Variants in SCFD2 observed in about 807,000 individuals in gnomAD.
SCFD2 encodes sec1 family domain containing 2, also known as sec1 family domain-containing protein 2.
In SCFD2, 54 loss-of-function variants were observed where a neutral mutation model predicts 58.9. The ratio of observed to expected loss-of-function variants is 0.92; its 90% confidence interval spans 0.74 to 1.15. The LOEUF (loss-of-function observed/expected upper bound fraction) is 1.15, where lower values mean the gene tolerates loss of function less well. SCFD2 is among the 50% of genes most tolerant of loss of function. SCFD2 has a pLI of 0.00. For missense variants in SCFD2, 805 were observed against 836.6 expected (o/e 0.96, Z 0.47); for synonymous variants, 321 against 335.9 (o/e 0.96, Z 0.49).
chr4:53,156,101 T>C (rs80021820), intron 4 of SCFD2, among the ~76,000 whole-genome samples: 1 of 152,146 alleles, frequency 6.6e-6, no homozygotes, highest in Non-Finnish European at 1.5e-5. Flanking sequence ...GCTCTTGATA[T>C]GGCCAGATAC....
intron 5 of SCFD2, among the ~76,000 whole-genome samples, chr4:53,065,319 G>A (rs546665738): frequency 6.6e-6 from 1 of 152,014 alleles, no homozygotes; most frequent in Non-Finnish European, 1.5e-5. Flanking sequence ...GTAGCCTGGG[G>A]GAAAGGATAA....
chr4:52,948,197 T>G (rs1720491307), intron 5 of SCFD2: 1 of 228,402 alleles, frequency 4.4e-6, no homozygotes, highest in South Asian at 6.4e-5. Context: ...TAAAGGCTAT[T>G]ACATGCCTGG....
At chr4:52,929,242 C>T (rs1165267541) in intron 5 of SCFD2, among the ~76,000 whole-genome samples, 1 of 152,126 alleles carries the variant, frequency 6.6e-6, no homozygotes, top group Admixed American at 6.5e-5. Context: ...GGTAGGTAAG[C>T]AAAGTGCCAG....
chr4:53,331,777 A>T (rs1413614967), intron 2 of SCFD2, among the ~76,000 whole-genome samples: 1 of 152,194 alleles, frequency 6.6e-6, no homozygotes, highest in Non-Finnish European at 1.5e-5. Flanking sequence ...AGAGACACAA[A>T]AAACCCTTCA....
intron 2 of SCFD2, among the ~76,000 whole-genome samples, chr4:53,314,682 T>A (rs752723004): frequency 6.6e-6 from 1 of 152,236 alleles, no homozygotes; most frequent in Non-Finnish European, 1.5e-5. Flanking sequence ...TAAAGTTACA[T>A]CTATTAAGAT....
At chr4:53,121,519 C>A (rs1396542879) in intron 5 of SCFD2, among the ~76,000 whole-genome samples, 2 of 152,236 alleles carry the variant, frequency 1.3e-5, no homozygotes, top group Non-Finnish European at 2.9e-5. Flanking sequence ...AGCCTGCCAT[C>A]CAGTTTCTTT....
intron 2 of SCFD2, among the ~76,000 whole-genome samples, chr4:53,326,064 A>G (rs977977024): frequency 2.0e-5 from 3 of 152,226 alleles, no homozygotes; most frequent in Admixed American, 6.5e-5. Context: ...AAGAAAACAT[A>G]CTATCTTTTA....
chr4:53,206,529 T>C (rs9990883), intron 4 of SCFD2, among the ~76,000 whole-genome samples: 13,531 of 152,146 alleles, frequency 0.089, 1,064 homozygotes, highest in South Asian at 0.21. Context: ...TTGTAAGTTA[T>C]AGAAGGTGAG....
At chr4:53,187,867 T>C (rs1374836096) in intron 4 of SCFD2, among the ~76,000 whole-genome samples, 3 of 152,136 alleles carry the variant, frequency 2.0e-5, no homozygotes, top group Non-Finnish European at 4.4e-5. Context: ...CATATCTTCA[T>C]AATTAACAAA....
chr4:53,080,188 C>G (rs553661895), intron 5 of SCFD2, among the ~76,000 whole-genome samples: 1 of 152,046 alleles, frequency 6.6e-6, no homozygotes, highest in East Asian at 1.9e-4. Context: ...TCTCATCTCA[C>G]GTTTAGATTT....
At chr4:53,342,073 C>T (rs1300956082) in intron 2 of SCFD2, among the ~76,000 whole-genome samples, 2 of 152,156 alleles carry the variant, frequency 1.3e-5, no homozygotes, top group African/African-American at 2.4e-5. Context: ...AACCAGCTAA[C>T]GTCATAATGA....
intron 5 of SCFD2, among the ~76,000 whole-genome samples, chr4:52,930,984 T>G (rs1017756460): frequency 5.3e-5 from 8 of 152,116 alleles, no homozygotes; most frequent in African/African-American, 1.4e-4. Context: ...TTCCAGCAAT[T>G]AAACCTACTG....
chr4:53,009,492 C>CT (rs766825539), intron 5 of SCFD2, among the ~76,000 whole-genome samples: 3 of 152,126 alleles, frequency 2.0e-5, no homozygotes, highest in Non-Finnish European at 4.4e-5. Context: ...TAAAGAATAC[C>CT]TTTTTTTAGC....
intron 5 of SCFD2, among the ~76,000 whole-genome samples, chr4:52,944,117 T>TTCTG (rs1720360408): frequency 6.6e-6 from 1 of 152,214 alleles, no homozygotes. Flanking sequence ...TTTAAACACA[T>TTCTG]TCTGTCTCTT....
chr4:53,186,390 C>G (rs1340875528), intron 4 of SCFD2, among the ~76,000 whole-genome samples: 4 of 152,182 alleles, frequency 2.6e-5, no homozygotes, highest in East Asian at 1.9e-4. Context: ...TCTGGGGAGG[C>G]AGACTCTGTC....
chr4:53,325,149 C>T (rs73250954), intron 2 of SCFD2, among the ~76,000 whole-genome samples: 4,646 of 149,666 alleles, frequency 0.031, 92 homozygotes, highest in Middle Eastern at 0.057. Flanking sequence ...TCCTTAAGAA[C>T]GTAATATAAC....
chr4:53,025,183 G>C (rs1386403880), intron 5 of SCFD2, among the ~76,000 whole-genome samples: 5 of 152,154 alleles, frequency 3.3e-5, no homozygotes, highest in Non-Finnish European at 7.3e-5. Flanking sequence ...ATCTGAAACA[G>C]AAATCTATAC....
At chr4:53,042,043 G>A (rs1722913299) in intron 5 of SCFD2, among the ~76,000 whole-genome samples, 1 of 152,136 alleles carries the variant, frequency 6.6e-6, no homozygotes, top group South Asian at 2.1e-4. Flanking sequence ...GGTCTCATGG[G>A]TCTAACAAAG....
At chr4:53,314,447 A>G (rs1223255451) in intron 2 of SCFD2, among the ~76,000 whole-genome samples, 7 of 152,186 alleles carry the variant, frequency 4.6e-5, no homozygotes, top group Non-Finnish European at 1.0e-4. Context: ...GTCTCACCCA[A>G]CATGCTATGT....
Sources: allele counts gnomAD v4.1 joint callset (sites outside exome capture counted in the v4.1 genomes callset), GRCh38; gene constraint gnomAD v4.1.1; transcripts MANE v1.5; gene names NCBI Gene and HGNC (gene_info 2026-07-23, HGNC 2026-07-21).